KYNU: variants seen among roughly 807,000 people sequenced by gnomAD.
KYNU encodes the protein kynureninase.
In KYNU, 54 loss-of-function variants were observed where a neutral mutation model predicts 59.2. The observed-to-expected ratio is 0.91, with a 90% CI of 0.73 to 1.14. KYNU has a LOEUF of 1.14. Ranked by LOEUF, KYNU falls within the 50% of genes most tolerant of loss-of-function variation. The probability of loss-of-function intolerance (pLI) is 0.00; values close to 1 mark genes in which losing one functional copy is unlikely to be tolerated. For synonymous variants in KYNU, 177 were observed against 192.0 expected (o/e 0.92, Z 0.65); for missense variants, 567 against 554.4 (o/e 1.02, Z -0.23).
chr2:143,007,046 AGCTG>A (rs1417688371), intron 10 of KYNU, among the ~76,000 whole-genome samples: 2 of 152,140 alleles, frequency 1.3e-5, no homozygotes, highest in African/African-American at 4.8e-5. Flanking sequence ...AACGGAACAA[AGCTG>A]GATGGAGAAT....
rs1349561349 is a variant in KYNU, at chr2:142,918,752, C to T, written c.290+23C>T. Reference sequence around the variant, plus strand: ...AATGTAAGTATTATTTTAAAAGCTACTACTCTACATCTCATACAAAAATTT... The same window carrying T: ...AATGTAAGTATTATTTTAAAAGCTATTACTCTACATCTCATACAAAAATTT... On this transcript the variant is annotated intron_variant, in intron 3 of 13. Transcript: ENST00000264170. 6 of 1,603,444 alleles carry T rather than the reference C, an allele frequency of 3.7e-6. No homozygotes were observed. In the South Asian group the frequency reaches 4.4e-5, roughly 12 times the overall value.
chr2:143,020,884 C>T (rs1341256180), intron 10 of KYNU, among the ~76,000 whole-genome samples: 1 of 152,170 alleles, frequency 6.6e-6, no homozygotes, highest in Non-Finnish European at 1.5e-5. Flanking sequence ...CACAGAGGTG[C>T]ATCACATTAT....
intron 10 of KYNU, among the ~76,000 whole-genome samples, chr2:143,024,129 CT>C (rs1686486573): frequency 6.6e-6 from 1 of 151,678 alleles, no homozygotes; most frequent in African/African-American, 2.4e-5. Context: ...ATGAGGGATA[CT>C]TTTGTCAATA....
chr2:142,992,971 A>G (rs1311763478), intron 10 of KYNU, among the ~76,000 whole-genome samples: 1 of 152,030 alleles, frequency 6.6e-6, no homozygotes, highest in Non-Finnish European at 1.5e-5. Flanking sequence ...TACTGGGTGA[A>G]TTCTCAGACT....
chr2:142,880,599 C>T (rs1415348736), intron 1 of KYNU, among the ~76,000 whole-genome samples: 1 of 152,168 alleles, frequency 6.6e-6, no homozygotes. Context: ...ATTCTAGCTC[C>T]TGTATCTAAC....
chr2:142,977,018 G>A (rs1157982838), intron 8 of KYNU, among the ~76,000 whole-genome samples: 2 of 152,092 alleles, frequency 1.3e-5, no homozygotes, highest in African/African-American at 2.4e-5. Context: ...GTTTTATCAC[G>A]CAGATGAAGC....
chr2:142,927,240 T>C (rs939864234), intron 3 of KYNU, among the ~76,000 whole-genome samples: 1 of 152,184 alleles, frequency 6.6e-6, no homozygotes, highest in Non-Finnish European at 1.5e-5. Context: ...AATTTACAGA[T>C]TATAGCTATA....
Position 142,885,473 on chromosome 2 carries a change from G to T in KYNU, c.106G>T (p.Glu36Ter), listed in dbSNP as rs753701829. The change falls in exon 2 of 14, where the codon GAA (glutamate) becomes TAA (stop). Residue 36 changes from glutamate to a stop codon, truncating the protein, a stop_gained. Transcript: ENST00000264170. LOFTEE classifies it high-confidence loss of function. ...DERVALHLDEEDKLRHFRECF... is the reference protein window; with the variant it reads ...DERVALHLDE ...GAGGGTGGCTCTCCACCTAGATGAG[G>T]AAGATAAGCTGAGGCACTTCAGGGA... The T allele has an allele frequency of 6.2e-7, 1 of 1,614,096 alleles. No homozygotes were observed. Among genetic ancestry groups the T allele is most frequent in the Non-Finnish European group, 8.5e-7 (1 of 1,180,012 alleles).
intron 4 of KYNU, among the ~76,000 whole-genome samples, chr2:142,946,235 G>C (rs1471199886): frequency 6.6e-6 from 1 of 151,582 alleles, no homozygotes; most frequent in African/African-American, 2.4e-5. Flanking sequence ...AGGTACAAGC[G>C]ACCATGCCTG....
intron 4 of KYNU, among the ~76,000 whole-genome samples, chr2:142,932,357 A>G (rs1415573119): frequency 6.6e-6 from 1 of 152,068 alleles, no homozygotes; most frequent in African/African-American, 2.4e-5. Context: ...AGGAGTAAAG[A>G]GGAGAGAACA....
At chr2:143,025,426 T>C (rs535343968) in intron 10 of KYNU, among the ~76,000 whole-genome samples, 2 of 152,198 alleles carry the variant, frequency 1.3e-5, no homozygotes, top group East Asian at 1.9e-4. Context: ...ACAGTAGCCC[T>C]TCAGATTTTT....
intron 7 of KYNU, among the ~76,000 whole-genome samples, chr2:142,958,736 T>A (rs1284869572): frequency 6.6e-6 from 1 of 152,196 alleles, no homozygotes; most frequent in East Asian, 1.9e-4. Flanking sequence ...GGACCACTGT[T>A]GAGCATTACC....
intron 2 of KYNU, among the ~76,000 whole-genome samples, chr2:142,904,801 T>C (rs577029951): frequency 6.6e-6 from 1 of 152,336 alleles, no homozygotes; most frequent in African/African-American, 2.4e-5. Context: ...TAACCACCCA[T>C]GGACCTCTGC....
chr2:142,961,166 C>T (rs1573843701), intron 8 of KYNU, among the ~76,000 whole-genome samples: 1 of 148,110 alleles, frequency 6.8e-6, no homozygotes, highest in East Asian at 2.0e-4. Context: ...GCACTCCAGC[C>T]TGGGCAACAG....
At chr2:142,884,608 A>T (rs1214465076) in intron 1 of KYNU, among the ~76,000 whole-genome samples, 1 of 151,534 alleles carries the variant, frequency 6.6e-6, no homozygotes, top group East Asian at 1.9e-4. Context: ...ATTTATTGGG[A>T]ACTTACTCTG....
At chr2:143,021,811 C>T (rs1039051435) in intron 10 of KYNU, among the ~76,000 whole-genome samples, 6 of 152,114 alleles carry the variant, frequency 3.9e-5, no homozygotes, top group African/African-American at 1.4e-4. Context: ...GGCAGGGACA[C>T]AATCCACATT....
chr2:142,998,988 A>C (rs1685627709), intron 10 of KYNU, among the ~76,000 whole-genome samples: 1 of 141,914 alleles, frequency 7.0e-6, no homozygotes. Context: ...CAGCCTGGCA[A>C]CAGACTGAGA....
intron 4 of KYNU, among the ~76,000 whole-genome samples, chr2:142,951,020 A>G (rs1218263375): frequency 6.6e-6 from 1 of 152,192 alleles, no homozygotes; most frequent in Non-Finnish European, 1.5e-5. Flanking sequence ...AGAACACACA[A>G]CATTTATTGA....
Position 142,885,354 on chromosome 2 carries a change from G to C in KYNU, c.-14G>C. On this transcript the variant is annotated 5_prime_UTR_variant, in exon 2 of 14. Transcript: ENST00000264170. ...GTTTTATTATTCTCTTTCAGTTTTA[G>C]AGAACAACTTGTAATGGAGCCTTCA... The C allele has an allele frequency of 6.2e-7, 1 of 1,613,220 alleles. No homozygotes were observed. The highest frequency in any genetic ancestry group is 8.5e-7 in the Non-Finnish European group (1 of 1,179,420).
Sources: gnomAD v4.1 joint callset for allele counts (sites outside exome capture counted in the v4.1 genomes callset) on GRCh38, gnomAD v4.1.1 for gene constraint, MANE v1.5 for transcripts, NCBI Gene and HGNC (gene_info 2026-07-23, HGNC 2026-07-21) for gene names.